The following ZNF536 variants were observed in gnomAD, a reference collection of about 807,000 sequenced individuals.
ZNF536 encodes the protein zinc finger protein 536.
ZNF536 carries 13 observed loss-of-function variants against 84.5 expected under a neutral mutation model. That is an observed-to-expected ratio of 0.15 (90% CI 0.10 to 0.24). The LOEUF (loss-of-function observed/expected upper bound fraction) is 0.24. Ranked by LOEUF, ZNF536 falls within the 10% of genes least tolerant of loss-of-function variation. The probability of loss-of-function intolerance (pLI) is 1.00; values close to 1 mark genes in which losing one functional copy is unlikely to be tolerated. For synonymous variants in ZNF536, 811 were observed against 742.5 expected (o/e 1.09, Z -1.50); for missense variants, 1,536 against 1,747.5 (o/e 0.88, Z 2.16).
At chr19:30,352,933 T>A (rs2047979365) in intron 3 of ZNF536, among the ~76,000 whole-genome samples, 1 of 152,174 alleles carries the variant, frequency 6.6e-6, no homozygotes, top group African/African-American at 2.4e-5. Flanking sequence ...CAAATCAAAG[T>A]GAAGATTTGA....
At chr19:30,684,194 G>C (rs964095064) in intron 1 of ZNF536, among the ~76,000 whole-genome samples, 5 of 152,098 alleles carry the variant, frequency 3.3e-5, no homozygotes, top group Non-Finnish European at 7.3e-5. Flanking sequence ...GAGTGCAATG[G>C]TACAATCTCG....
rs189222313 is a variant in ZNF536 at position 30,311,884 on chromosome 19, C to A, written c.-120+27743C>A. On this transcript the variant is annotated intron_variant, in intron 2 of 5. Transcript: ENST00000585628. The stretch of plus-strand genomic sequence containing the variant: ...AGGAGTTCGAGACCAGCCTGGGAAA[C>A]ATAGTGAGACCTCATCTCTACGAAA... Among the ~76,000 whole-genome samples, 3 of 152,152 alleles carry A rather than the reference C, an allele frequency of 2.0e-5. No homozygotes were observed. The East Asian group carries it at 5.8e-4, about 29-fold the overall frequency.
chr19:30,246,627 G>A (rs1305330867), intron 1 of ZNF536, among the ~76,000 whole-genome samples: 1 of 152,190 alleles, frequency 6.6e-6, no homozygotes, highest in African/African-American at 2.4e-5. Flanking sequence ...GGTTTGGGAT[G>A]CGTGAGGAAA....
intron 1 of ZNF536, among the ~76,000 whole-genome samples, chr19:30,565,704 CTTCTG>C (rs1432127530): frequency 1.3e-5 from 2 of 152,174 alleles, no homozygotes; most frequent in Non-Finnish European, 2.9e-5. Flanking sequence ...ACATCCCCAC[CTTCTG>C]TCATCTCCAA....
chr19:30,333,177 G>A (rs1453416412), intron 2 of ZNF536, among the ~76,000 whole-genome samples: 1 of 152,032 alleles, frequency 6.6e-6, no homozygotes, highest in Non-Finnish European at 1.5e-5. Context: ...AAGTAAGTAA[G>A]TAAATAAATA....
chr19:30,497,723 T>G (rs2054782547), intron 2 of ZNF536, among the ~76,000 whole-genome samples: 1 of 150,870 alleles, frequency 6.6e-6, no homozygotes, highest in Non-Finnish European at 1.5e-5. Context: ...AGAGATCACC[T>G]TCATGTGTGT....
chr19:30,626,985 G>T lies in ZNF536; in HGVS notation c.169+77471G>T, dbSNP rs80114981. ...ACCCCTGAAATGTGGAGGAGAGACA[G>T]AATGATGGGACTGGCAGTAAGGTGG... On this transcript the variant is annotated intron_variant, in intron 1 of 1. Transcript: ENST00000592773. Among the ~76,000 whole-genome samples, 680 of 152,268 alleles carry T rather than the reference G, an allele frequency of 4.5e-3. 6 individuals are homozygous for T. Among genetic ancestry groups the T allele is most frequent in the African/African-American group, 0.015 (642 of 41,558 alleles).
At chr19:30,600,227 A>G (rs1408680186) in intron 1 of ZNF536, among the ~76,000 whole-genome samples, 1 of 151,964 alleles carries the variant, frequency 6.6e-6, no homozygotes, top group African/African-American at 2.4e-5. Context: ...CTAGTAGCTG[A>G]GATTACAGGC....
intron 1 of ZNF536, among the ~76,000 whole-genome samples, chr19:30,606,197 T>A (rs868051908): frequency 8.7e-5 from 8 of 92,240 alleles, no homozygotes; most frequent in African/African-American, 2.9e-4. Flanking sequence ...AATAAAATAA[T>A]AAAATAAAAT....
intron 1 of ZNF536, among the ~76,000 whole-genome samples, chr19:30,684,435 G>T (rs1380520651): frequency 1.3e-5 from 2 of 152,094 alleles, no homozygotes; most frequent in Non-Finnish European, 2.9e-5. Flanking sequence ...CCGCGTCTTG[G>T]CCTCACAAAA....
intron 2 of ZNF536, among the ~76,000 whole-genome samples, chr19:30,311,304 C>A (rs1180560580): frequency 6.6e-6 from 1 of 152,240 alleles, no homozygotes; most frequent in African/African-American, 2.4e-5. Flanking sequence ...CCCAAAAAGG[C>A]AGGTGCCCTT....
At chr19:30,254,030 A>AG (rs1568532069) in intron 1 of ZNF536, among the ~76,000 whole-genome samples, 1 of 152,144 alleles carries the variant, frequency 6.6e-6, no homozygotes, top group Admixed American at 6.5e-5. Context: ...TCAAAAGTGG[A>AG]GGGGGGTGTG....
intron 1 of ZNF536, among the ~76,000 whole-genome samples, chr19:30,608,688 G>A (rs2047982993): frequency 6.6e-6 from 1 of 152,184 alleles, no homozygotes; most frequent in Non-Finnish European, 1.5e-5. Flanking sequence ...TGGAGATCTA[G>A]AGTCTCGATC....
In ZNF536 at chr19:30,300,237, A is replaced by G. The variant is rs58394020; in HGVS notation, c.-120+16096A>G. 4.4e-3 allele frequency among the ~76,000 whole-genome samples: 674 copies of G among 152,148 alleles called. 8 individuals carry two copies. The highest frequency in any genetic ancestry group is 0.016 in the African/African-American group (647 of 41,494). ...TCTGATTAACCTGTTGTCCATCCCA[A>G]TTCTGGGTGGTGTTGAACAGGAATC... On this transcript the variant is annotated intron_variant, in intron 2 of 5. Coordinates refer to the ZNF536 transcript ENST00000585628.
intron 1 of ZNF536, among the ~76,000 whole-genome samples, chr19:30,246,909 A>G (rs1044066779): frequency 2.0e-4 from 30 of 152,324 alleles, no homozygotes; most frequent in Admixed American, 1.8e-3. Flanking sequence ...ACATTTTGGG[A>G]GTGAAATTCT....
intron 1 of ZNF536, among the ~76,000 whole-genome samples, chr19:30,699,887 C>A (rs1156803298): frequency 6.6e-6 from 1 of 152,240 alleles, no homozygotes; most frequent in Middle Eastern, 3.2e-3. Flanking sequence ...ACTCATGAAC[C>A]TGTTGTACCA....
intron 2 of ZNF536, among the ~76,000 whole-genome samples, chr19:30,318,036 G>A (rs10407589): frequency 0.011 from 1,602 of 152,270 alleles, 28 homozygotes; most frequent in African/African-American, 0.036. Context: ...GTGTCTAGCC[G>A]TCTCCACAGT....
At chr19:30,608,238 A>G (rs1210634932) in intron 1 of ZNF536, among the ~76,000 whole-genome samples, 1 of 152,224 alleles carries the variant, frequency 6.6e-6, no homozygotes, top group Non-Finnish European at 1.5e-5. Context: ...TGAAACCTTC[A>G]GGAGATCACT....
chr19:30,708,331 G>A (rs746871593), intron 1 of ZNF536, among the ~76,000 whole-genome samples: 4 of 152,252 alleles, frequency 2.6e-5, no homozygotes, highest in South Asian at 2.1e-4. Flanking sequence ...GCACAGTGAC[G>A]TCTATGTGCA....
Sources: allele counts gnomAD v4.1 joint callset (sites outside exome capture counted in the v4.1 genomes callset), GRCh38; gene constraint gnomAD v4.1.1; transcripts MANE v1.5; gene names NCBI Gene and HGNC (gene_info 2026-07-23, HGNC 2026-07-21).